MACO1: variants seen among roughly 807,000 people sequenced by gnomAD.
MACO1 encodes the protein macoilin.
A neutral mutation model predicts 78.7 loss-of-function variants in MACO1; 14 were observed. The observed-to-expected ratio is 0.18, with a 90% confidence interval of 0.12 to 0.28. The LOEUF (loss-of-function observed/expected upper bound fraction) is 0.28, where lower values mean the gene tolerates loss of function less well. MACO1 is among the 10% of genes least tolerant of loss of function. The pLI, the probability that MACO1 is intolerant of heterozygous loss-of-function variation, is 1.00. For missense variants in MACO1, 501 were observed against 799.0 expected (o/e 0.63, Z 4.50); for synonymous variants, 288 against 291.6 (o/e 0.99, Z 0.12).
intron 4 of MACO1, 107 bp downstream of exon 4, chr1:25,454,489 T>TATATATATATATATA (rs371533394): frequency 1.1e-3 from 100 of 89,722 alleles, no homozygotes; most frequent in Admixed American, 1.6e-3. Context: ...TATATATATA[T>TATATATATATATATA]TTTTTTTTTT....
intron 4 of MACO1, among the ~76,000 whole-genome samples, chr1:25,455,575 G>T (rs2043111971): frequency 6.6e-6 from 1 of 152,178 alleles, no homozygotes; most frequent in Non-Finnish European, 1.5e-5. Context: ...ATATGGGCTT[G>T]ACAGTGTTTG....
chr1:25,441,732 TGTGAGGAA>T (rs1323519463), intron 1 of MACO1, among the ~76,000 whole-genome samples: 1 of 152,204 alleles, frequency 6.6e-6, no homozygotes, highest in African/African-American at 2.4e-5. Context: ...GGCGGCTTAT[TGTGAGGAA>T]GTGATATTTG....
At chr1:25,441,919 A>C (rs763866121) in intron 1 of MACO1, among the ~76,000 whole-genome samples, 2 of 152,262 alleles carry the variant, frequency 1.3e-5, no homozygotes, top group African/African-American at 2.4e-5. Context: ...CCATTTGGTG[A>C]TAAGTACGGA....
chr1:25,458,199 T>G (rs980373876), intron 5 of MACO1, among the ~76,000 whole-genome samples, 192 bp from the exon 6 acceptor site: 2 of 152,212 alleles, frequency 1.3e-5, no homozygotes, highest in Non-Finnish European at 2.9e-5. Flanking sequence ...TGTATTTGGA[T>G]TTTCTTCTAT....
intron 1 of MACO1, among the ~76,000 whole-genome samples, chr1:25,442,319 A>G (rs1213406600): frequency 6.6e-6 from 1 of 152,234 alleles, no homozygotes; most frequent in Non-Finnish European, 1.5e-5. Flanking sequence ...AGTATGGCAG[A>G]TACTGAATGC....
At position 25,431,062 on chromosome 1, in the gene MACO1, C is replaced by T; in HGVS notation, c.-37C>T. 1 of 1,531,054 alleles carries T rather than the reference C, an allele frequency of 6.5e-7. No homozygotes were observed. Among genetic ancestry groups the T allele is most frequent in the Non-Finnish European group, 8.8e-7 (1 of 1,136,222 alleles). 94.8% of individuals were successfully genotyped at this position (1,531,054 alleles called of 1,614,324 possible). A position where few individuals can be genotyped will look rare whatever the true frequency, so the allele number is the denominator to read the frequency against. ...CGGCGGCAGCTGAGGTGAGAGACGG[C>T]GGCGGCGGCGCGGGCACCCGGCCCC... On this transcript the variant is annotated 5_prime_UTR_variant, in exon 1 of 11. Transcript: ENST00000374343.
At chr1:25,455,955 C>G (rs938872810) in intron 4 of MACO1, among the ~76,000 whole-genome samples, 1 of 151,802 alleles carries the variant, frequency 6.6e-6, no homozygotes, top group East Asian at 1.9e-4. Flanking sequence ...AGTCTCTACC[C>G]TTTTAGTTTT....
intron 1 of MACO1, among the ~76,000 whole-genome samples, chr1:25,443,151 A>G (rs1041450829): frequency 2.0e-5 from 3 of 152,344 alleles, no homozygotes; most frequent in Admixed American, 6.5e-5. Flanking sequence ...AGAATATGAA[A>G]GGAGAGGAAT....
intron 1 of MACO1, 100 bp downstream of exon 1, chr1:25,431,278 C>A: frequency 1.1e-6 from 1 of 896,270 alleles, no homozygotes; most frequent in Non-Finnish European, 1.6e-6. Flanking sequence ...AGGCCGCACG[C>A]CCGCGCCGGG....
Position 25,446,808 on chromosome 1 carries a change from C to T in MACO1, c.127C>T (p.Leu43=), listed in dbSNP as rs749508604. The part of the protein sequence containing the change: ...KFLVVWALVL[L]ADFVLEFRFE... ...CCTGGTGGTGTGGGCACTTGTCCTC[C>T]TAGCAGATTTTGTCCTGGAGTTCAG... The change falls in exon 2 of 11, where the codon CTA becomes TTA. Residue 43 remains leucine (L), a synonymous_variant. Transcript: ENST00000374343. 1.5e-5 allele frequency: 24 copies of T among 1,613,754 alleles called. No homozygotes were observed. The highest frequency in any genetic ancestry group is 2.7e-5 in the African/African-American group (2 of 74,894).
At chr1:25,452,839 G>C (rs1264233954) in intron 3 of MACO1, among the ~76,000 whole-genome samples, 3 of 151,348 alleles carry the variant, frequency 2.0e-5, no homozygotes, top group Non-Finnish European at 4.4e-5. Flanking sequence ...TGGAATTACA[G>C]GTGTGCACCA....
chr1:25,469,906 A>G (rs1323650768), intron 6 of MACO1, among the ~76,000 whole-genome samples: 1 of 152,106 alleles, frequency 6.6e-6, no homozygotes, highest in Non-Finnish European at 1.5e-5. Context: ...GATTACAGGC[A>G]TGAGCCACCG....
intron 6 of MACO1, among the ~76,000 whole-genome samples, chr1:25,464,154 C>T (rs899608057): frequency 6.6e-6 from 1 of 152,078 alleles, no homozygotes; most frequent in Non-Finnish European, 1.5e-5. Context: ...GTGCTCCGTC[C>T]ATCCATCCCT....
At chr1:25,439,675 T>C (rs549400859) in intron 1 of MACO1, among the ~76,000 whole-genome samples, 1 of 152,012 alleles carries the variant, frequency 6.6e-6, no homozygotes, top group Non-Finnish European at 1.5e-5. Context: ...TTTCTGTTTT[T>C]TTTTTTTTTG....
chr1:25,478,538 T>C (rs1223244444), intron 6 of MACO1, among the ~76,000 whole-genome samples: 2 of 152,228 alleles, frequency 1.3e-5, no homozygotes, highest in African/African-American at 4.8e-5. Flanking sequence ...CTTGACACTT[T>C]TGCTTTGAAG....
At chr1:25,484,631 A>G (rs1000415051) in intron 7 of MACO1, among the ~76,000 whole-genome samples, 1 of 152,206 alleles carries the variant, frequency 6.6e-6, no homozygotes, top group Non-Finnish European at 1.5e-5. Context: ...GGATTTGACT[A>G]TATTTACTTT....
At chr1:25,448,646 G>T (rs1370546527) in intron 2 of MACO1, among the ~76,000 whole-genome samples, 162 bp from the exon 3 acceptor site, 1 of 152,060 alleles carries the variant, frequency 6.6e-6, no homozygotes, top group Non-Finnish European at 1.5e-5. Flanking sequence ...TTATATGGTT[G>T]ATTTTAAATG....
At chr1:25,432,636 A>G (rs1043917348) in intron 1 of MACO1, among the ~76,000 whole-genome samples, 3 of 152,240 alleles carry the variant, frequency 2.0e-5, no homozygotes, top group African/African-American at 7.2e-5. Context: ...TACACTATAC[A>G]TTCTTGAATT....
Position 25,450,874 on chromosome 1 carries a change from A to G in MACO1, c.349+1940A>G, listed in dbSNP as rs115542998. Among the ~76,000 whole-genome samples the G allele has an allele frequency of 9.2e-3, 1,405 of 152,302 alleles. 19 individuals are homozygous for G. Among genetic ancestry groups the G allele is most frequent in the African/African-American group, 0.031 (1,287 of 41,564 alleles). ...TTCTCTGTTATATAAAGGTGTAGTA[A>G]TCTAAATAATGGCTAAAGAACCTTC... On this transcript the variant is annotated intron_variant, in intron 3 of 10. Coordinates refer to ENST00000374343, the MANE Select transcript of MACO1 (RefSeq NM_018202.6).
Sources: gnomAD v4.1 joint callset for allele counts (sites outside exome capture counted in the v4.1 genomes callset) on GRCh38, gnomAD v4.1.1 for gene constraint, MANE v1.5 for transcripts, NCBI Gene and HGNC (gene_info 2026-07-23, HGNC 2026-07-21) for gene names.